Variants in MTG1 observed in about 807,000 individuals in gnomAD.
MTG1 encodes the protein mitochondrial ribosome-associated GTPase 1.
MTG1 carries 30 observed loss-of-function variants against 39.5 expected under a neutral mutation model. That is an observed-to-expected ratio of 0.76 (90% CI 0.57 to 1.03). MTG1 has a LOEUF of 1.03. MTG1 is among the 50% of genes least tolerant of loss of function. The probability of loss-of-function intolerance (pLI) is 0.00; values close to 1 mark genes in which losing one functional copy is unlikely to be tolerated. For missense variants in MTG1, 513 were observed against 447.4 expected (o/e 1.15, Z -1.32); for synonymous variants, 217 against 179.0 (o/e 1.21, Z -1.69).
intron 9 of MTG1, among the ~76,000 whole-genome samples, chr10:133,412,827 A>G (rs1850066433): frequency 6.6e-6 from 1 of 151,878 alleles, no homozygotes; most frequent in Admixed American, 6.6e-5. Flanking sequence ...TTTCCATTCG[A>G]TGTTTATTTT....
At chr10:133,411,610 T>C (rs999274402) in intron 9 of MTG1, among the ~76,000 whole-genome samples, 2 of 152,234 alleles carry the variant, frequency 1.3e-5, no homozygotes, top group Non-Finnish European at 2.9e-5. Flanking sequence ...GTTTTCTGTA[T>C]CTTGCATGTG....
intron 7 of MTG1, 64 bp downstream of exon 7, chr10:133,401,654 C>A: frequency 6.6e-7 from 1 of 1,513,672 alleles, no homozygotes; most frequent in South Asian, 1.1e-5. Context: ...TGGCACCTGC[C>A]GACCTCTGTG....
Position 133,399,298 on chromosome 10 carries a change from C to T in MTG1, c.420+72C>T, listed in dbSNP as rs531204721. 3.5e-4 allele frequency: 538 copies of T among 1,552,420 alleles called. 2 individuals carry two copies. In the African/African-American group the frequency reaches 6.6e-3, roughly 19 times the overall value. On this transcript the variant is annotated intron_variant, in intron 5 of 10. Transcript: ENST00000317502. ...TGGGCCAGCCCCTCCTGCCTGGCCTCTCCAAGGAGAAGGCGCAGCGCCCCA... is the reference window on the plus strand; with the variant it reads ...TGGGCCAGCCCCTCCTGCCTGGCCTTTCCAAGGAGAAGGCGCAGCGCCCCA...
intron 9 of MTG1, among the ~76,000 whole-genome samples, chr10:133,407,550 T>C (rs546373124): frequency 6.6e-6 from 1 of 152,088 alleles, no homozygotes; most frequent in African/African-American, 2.4e-5. Context: ...GTAACTATTA[T>C]AAATGGGATT....
chr10:133,395,251 C>T (rs937316920), intron 1 of MTG1, among the ~76,000 whole-genome samples: 1 of 152,108 alleles, frequency 6.6e-6, no homozygotes, highest in Non-Finnish European at 1.5e-5. Context: ...AAAAATTAGC[C>T]CGGCATGGTG....
chr10:133,420,044 A>G lies in MTG1; in HGVS notation c.884A>G (p.Gln295Arg). The part of the protein sequence containing the change: ...LTGTGNVNII[Q>R]PNYPAAARDF... ...CCCCCAGGTAACGTGAACATTATTC[A>G]GCCTAACTATCCTGCGGCAGCCCGT... The change falls in exon 11 of 11, where the codon CAG becomes CGG. Residue 295 changes from glutamine (Q) to arginine (R), a missense_variant. Transcript: ENST00000317502. 6.2e-7 allele frequency: 1 copy of G among 1,611,926 alleles called. No individual in the cohort carries two copies. The highest frequency in any genetic ancestry group is 8.5e-7 in the Non-Finnish European group (1 of 1,178,760).
chr10:133,415,421 T>C (rs777999536), intron 9 of MTG1, among the ~76,000 whole-genome samples: 9 of 150,008 alleles, frequency 6.0e-5, no homozygotes, highest in Non-Finnish European at 1.2e-4. Context: ...TTGAAAGATA[T>C]TTTCTCTACG....
At chr10:133,405,340 G>T (rs2265907) in intron 9 of MTG1, among the ~76,000 whole-genome samples, 97,179 of 152,090 alleles carry the variant, frequency 0.64, 31,504 homozygotes, top group Non-Finnish European at 0.7. Flanking sequence ...AATGTGTAAT[G>T]ATCAGATCAG....
In MTG1 at chr10:133,407,259, T is replaced by A. The variant is rs1849982400; in HGVS notation, c.752+4486T>A. Among the ~76,000 whole-genome samples the A allele has an allele frequency of 3.3e-5, 5 of 152,248 alleles. No individual in the cohort carries two copies. The South Asian group carries it at 1.0e-3, about 31-fold the overall frequency. Reference sequence around the variant, plus strand: ...AGCTTTGTTCTTTTTGCTTCAGGTTTGCTTTGGCTGTTTGGGGCCTTTAGT... The same window carrying A: ...AGCTTTGTTCTTTTTGCTTCAGGTTAGCTTTGGCTGTTTGGGGCCTTTAGT... On this transcript the variant is annotated intron_variant, in intron 9 of 10. Transcript: ENST00000317502.
At chr10:133,401,705 A>C (rs1438941318) in intron 7 of MTG1, 115 bp downstream of exon 7, 1 of 997,096 alleles carries the variant, frequency 1.0e-6, no homozygotes, top group Non-Finnish European at 1.6e-6. Flanking sequence ...CCCTCCACTC[A>C]GTGTCCCCGC....
Position 133,421,856 on chromosome 10 carries a change from C to G in MTG1, c.*1691C>G, listed in dbSNP as rs769337866. Reference sequence around the variant, plus strand: ...AGGAGGGATGCAGTCCGGCTGAGGGCGAGGCTGTCCCCAGGACATGGAGAG... The same window carrying G: ...AGGAGGGATGCAGTCCGGCTGAGGGGGAGGCTGTCCCCAGGACATGGAGAG... On this transcript the variant is annotated 3_prime_UTR_variant, in exon 11 of 11. Transcript: ENST00000317502. The G allele has an allele frequency of 6.8e-6, 1 of 147,050 alleles. No individual in the cohort carries two copies. The highest frequency in any genetic ancestry group is 2.2e-4 in the South Asian group (1 of 4,618). 9.1% of individuals were successfully genotyped at this position (147,050 alleles called of 1,614,324 possible). A position where few individuals can be genotyped will look rare whatever the true frequency, so the allele number is the denominator to read the frequency against.
chr10:133,394,740 A>G, intron 1 of MTG1: 1 of 1,012,316 alleles, frequency 9.9e-7, no homozygotes, highest in Non-Finnish European at 1.2e-6. Context: ...GTATGAAGGC[A>G]CCTGTTCAGT....
rs1243774601 is a variant in MTG1 at position 133,401,364 on chromosome 10, A to G, written c.512-165A>G. 4 of 546,034 alleles carry G rather than the reference A, an allele frequency of 7.3e-6. 1 individual carries two copies. In the East Asian group the frequency reaches 1.3e-4, roughly 18 times the overall value. 33.8% of individuals were successfully genotyped at this position (546,034 alleles called of 1,614,324 possible). On this transcript the variant is annotated intron_variant, in intron 6 of 10. Coordinates refer to ENST00000317502, the MANE Select transcript of MTG1 (RefSeq NM_138384.4). ...CTGGCTTTTAGTTTCCATTTTGGCC[A>G]GATATGTTTGTTACATAGTCTCCCT...
chr10:133,398,793 C>G (rs931393227), intron 4 of MTG1, among the ~76,000 whole-genome samples: 1 of 152,128 alleles, frequency 6.6e-6, no homozygotes, highest in African/African-American at 2.4e-5. Context: ...GTAGAATTTT[C>G]TGGCTTGATG....
In MTG1 at chr10:133,420,694, A is replaced by G. The variant is rs749421493; in HGVS notation, c.*529A>G. 2 of 152,820 alleles carry G rather than the reference A, an allele frequency of 1.3e-5. No homozygotes were observed. Among genetic ancestry groups the G allele is most frequent in the Non-Finnish European group, 2.9e-5 (2 of 68,476 alleles). 9.5% of individuals were successfully genotyped at this position (152,820 alleles called of 1,614,324 possible). On this transcript the variant is annotated 3_prime_UTR_variant, in exon 11 of 11. Transcript: ENST00000317502. ...CATCAGAGAGGTTTATTTCACACTT[A>G]CAGGCACACACAGACACAGACCAGA...
chr10:133,399,508 C>T lies in MTG1; in HGVS notation c.421-21C>T, dbSNP rs1366042154. 3 of 1,611,928 alleles carry T rather than the reference C, an allele frequency of 1.9e-6. 1 individual carries two copies. In the South Asian group the frequency reaches 3.3e-5, roughly 18 times the overall value. On this transcript the variant is annotated intron_variant, in intron 5 of 10. Transcript: ENST00000317502. ...CTAGCGGCCACGGTGGGCCCTGTGA[C>T]CCCTCTCTCTGCCTGCGCAGAACCT...
At chr10:133,400,780 C>T (rs565898446) in intron 6 of MTG1, among the ~76,000 whole-genome samples, 37 of 152,366 alleles carry the variant, frequency 2.4e-4, no homozygotes, top group African/African-American at 5.0e-4. Flanking sequence ...CTACACCCCT[C>T]GTTCCACTTT....
intron 9 of MTG1, among the ~76,000 whole-genome samples, chr10:133,406,355 G>C (rs1005074338): frequency 1.3e-5 from 2 of 152,028 alleles, no homozygotes; most frequent in African/African-American, 4.8e-5. Context: ...GCAGTGGTGC[G>C]ATCACAGCTC....
In MTG1 at chr10:133,399,371, G is replaced by T. The variant is rs566903106; in HGVS notation, c.420+145G>T. 2.6e-5 allele frequency: 31 copies of T among 1,211,144 alleles called. No individual in the cohort carries two copies. The Admixed American group carries it at 5.1e-4, about 20-fold the overall frequency. The allele number at this position is 1,211,144 out of a possible 1,614,324, so 75.0% of individuals were successfully genotyped here. ...CCTCTCATTCTCTTCAGTGGAAAGG[G>T]CCGAGGCCGTCCCCGCTGGGTGGGC... On this transcript the variant is annotated intron_variant, in intron 5 of 10. Transcript: ENST00000317502.
Sources: gnomAD v4.1 joint callset for allele counts (sites outside exome capture counted in the v4.1 genomes callset) on GRCh38, gnomAD v4.1.1 for gene constraint, MANE v1.5 for transcripts, NCBI Gene and HGNC (gene_info 2026-07-23, HGNC 2026-07-21) for gene names.